PANK4: variants seen among roughly 807,000 people sequenced by gnomAD.
The protein encoded by PANK4 is 4'-phosphopantetheine phosphatase.
PANK4 carries 40 observed loss-of-function variants against 87.9 expected under a neutral mutation model. The observed-to-expected ratio is 0.46, with a 90% CI of 0.35 to 0.59. The LOEUF (loss-of-function observed/expected upper bound fraction) is 0.59, where lower values mean the gene tolerates loss of function less well. PANK4 is among the 20% of genes least tolerant of loss of function. The probability of loss-of-function intolerance (pLI) is 0.00; values close to 1 mark genes in which losing one functional copy is unlikely to be tolerated. For synonymous variants in PANK4, 524 were observed against 467.4 expected (o/e 1.12, Z -1.56); for missense variants, 926 against 1,072.3 (o/e 0.86, Z 1.90).
chr1:2,513,876 C>G, intron 12 of PANK4, 126 bp downstream of exon 12: 1 of 761,598 alleles, frequency 1.3e-6, no homozygotes. Context: ...GAGTTGGGGC[C>G]GCTACCAAAC....
Position 2,509,530 on chromosome 1 carries a change from T to C in PANK4, c.2108+332A>G, listed in dbSNP as rs1643623369. Among the ~76,000 whole-genome samples the C allele has an allele frequency of 2.0e-5, 3 of 152,318 alleles. No individual in the cohort carries two copies. The South Asian group carries it at 6.2e-4, about 32-fold the overall frequency. ...AACCACAGAAGCAGAGCCTGGCATC[T>C]ATGTGGGACACGGAGGTGACAGACA... On this transcript the variant is annotated intron_variant, in intron 18 of 18. Transcript: ENST00000378466. The surrounding 1 kb of genome is among the most constrained non-coding windows in gnomAD (Gnocchi z 4.9).
Position 2,509,962 on chromosome 1 carries a change from G to A in PANK4, c.2040-32C>T, listed in dbSNP as rs578139474. The A allele has an allele frequency of 2.5e-6, 4 of 1,601,206 alleles. No homozygotes were observed. Among genetic ancestry groups the A allele is most frequent in the Admixed American group, 3.4e-5 (2 of 58,246 alleles). ...GATACAAGGTGGTCAGTGCCCCCAG[G>A]AGCTCCCAGTTCAGTGACAATCCCC... On this transcript the variant is annotated intron_variant, in intron 17 of 18. Transcript: ENST00000378466. This position sits in a 1 kb window ranked among gnomAD's most constrained non-coding sequence, Gnocchi z 4.9.
At chr1:2,514,731 C>T in intron 10 of PANK4, among the ~76,000 whole-genome samples, 1 of 151,838 alleles carries the variant, frequency 6.6e-6, no homozygotes, top group East Asian at 1.9e-4. Flanking sequence ...TGGGGGCTGC[C>T]TGGGCTGTGG....
intron 11 of PANK4, 95 bp from the exon 12 acceptor site, chr1:2,514,184 C>T (rs998758079): frequency 2.4e-6 from 3 of 1,228,290 alleles, no homozygotes; most frequent in East Asian, 2.3e-5. Context: ...CTCAGGAGCC[C>T]GGCAGTGCAA....
At chr1:2,518,711 G>C (rs1643831186) in intron 7 of PANK4, 114 bp from the exon 8 acceptor site, 1 of 850,550 alleles carries the variant, frequency 1.2e-6, no homozygotes, top group Non-Finnish European at 1.9e-6. Context: ...CCTCGAAGAG[G>C]CGCCATGGCA....
rs1643820761 is a variant in PANK4 at position 2,518,276 on chromosome 1, G to A, written c.1118-12C>T. On this transcript the variant is annotated splice_polypyrimidine_tract_variant and intron_variant, in intron 8 of 18. Coordinates refer to ENST00000378466, the MANE Select transcript of PANK4 (RefSeq NM_018216.4). ...GTACTGGTTAGGATCTGGAAAGCAA[G>A]AAGCCAGGTCACTTGTGTTAACCTT... The A allele has an allele frequency of 3.1e-6, 5 of 1,590,098 alleles. No individual in the cohort carries two copies. In the South Asian group the frequency reaches 4.4e-5, roughly 14 times the overall value.
Position 2,514,352 on chromosome 1 carries a change from A to G in PANK4, c.1487+2T>C, listed in dbSNP as rs1643719489. 6.2e-7 allele frequency: 1 copy of G among 1,607,720 alleles called. No individual in the cohort carries two copies. ...CCACACACCGGGGTGCTGGGCACTT[A>G]CAAGGGCTGCTGCCTCAGGGTCTGA... On this transcript the variant is annotated splice_donor_variant, in intron 11 of 18. Coordinates refer to ENST00000378466, the MANE Select transcript of PANK4 (RefSeq NM_018216.4). LOFTEE classifies it high-confidence loss of function.
At position 2,514,382 on chromosome 1, in the gene PANK4, T is replaced by A; in HGVS notation, c.1459A>T (p.Lys487Ter). The A allele has an allele frequency of 6.2e-7, 1 of 1,612,492 alleles. No homozygotes were observed. Among genetic ancestry groups the A allele is most frequent in the Non-Finnish European group, 8.5e-7 (1 of 1,179,804 alleles). Residue 487 changes from lysine to a stop codon, truncating the protein, a stop_gained, in exon 11 of 19, where the codon AAG becomes TAG. Coordinates refer to ENST00000378466, the MANE Select transcript of PANK4 (RefSeq NM_018216.4). LOFTEE classifies it high-confidence loss of function. ...GGCTGCTGCCTCAGGGTCTGAAGCT[T>A]GTTCCAGTACTTCTGCCGGAACTTC... ...AEKFRQKYWN[K>*]LQTLRQQPFA...
chr1:2,512,428 G>C (rs1643676984), intron 13 of PANK4: 1 of 158,778 alleles, frequency 6.3e-6, no homozygotes, highest in Non-Finnish European at 1.4e-5. Flanking sequence ...AATGATGGTG[G>C]GGGGGTTCAT....
chr1:2,521,656 G>T, intron 2 of PANK4, 62 bp downstream of exon 2: 1 of 1,279,810 alleles, frequency 7.8e-7, no homozygotes, highest in Non-Finnish European at 1.1e-6. Flanking sequence ...CGAGACAAGT[G>T]CCAGGTCCAA....
At chr1:2,518,130 C>G in intron 9 of PANK4, 34 bp downstream of exon 9, 2 of 1,424,650 alleles carry the variant, frequency 1.4e-6, no homozygotes, top group Non-Finnish European at 1.9e-6. Context: ...GGCTGCTCCC[C>G]TGGGGCCCGG....
At position 2,509,138 on chromosome 1, in the gene PANK4, T is replaced by A; in HGVS notation, c.2109-78A>T. 9 of 1,115,994 alleles carry A rather than the reference T, an allele frequency of 8.1e-6. No homozygotes were observed. The highest frequency in any genetic ancestry group is 2.2e-5 in the Admixed American group (1 of 44,592). 69.1% of individuals were successfully genotyped at this position (1,115,994 alleles called of 1,614,324 possible). ...TTCCCATACAGTGCGGCGACCAACG[T>A]GAAGGCTGAAACCCCTACCGCTCAA... On this transcript the variant is annotated intron_variant, in intron 18 of 18. Coordinates refer to ENST00000378466, the MANE Select transcript of PANK4 (RefSeq NM_018216.4). The surrounding 1 kb of genome is among the most constrained non-coding windows in gnomAD (Gnocchi z 4.9).
At chr1:2,514,554 T>TG in intron 10 of PANK4, 88 bp from the exon 11 acceptor site, 1 of 97,944 alleles carries the variant, frequency 1.0e-5, no homozygotes, top group Admixed American at 1.2e-4. Flanking sequence ...CGGGGAAGGG[T>TG]GGGGGTCGGC....
Position 2,511,623 on chromosome 1 carries a change from C to T in PANK4, c.1783+5G>A, listed in dbSNP as rs774248155. On this transcript the variant is annotated splice_donor_5th_base_variant and intron_variant, in intron 14 of 18. Transcript: ENST00000378466. ...CAAGGCCCCAAGTTACTTGGCCATC[C>T]GTACCTTGTAACTTCCTCTTTGCTT... 6.9e-6 allele frequency: 11 copies of T among 1,599,516 alleles called. No homozygotes were observed. The highest frequency in any genetic ancestry group is 3.3e-5 in the Admixed American group (2 of 59,986).
chr1:2,520,407 G>C lies in PANK4; in HGVS notation c.614C>G (p.Thr205Arg). Residue 205 changes from threonine to arginine, a missense_variant, in exon 5 of 19, where the codon ACG becomes AGG. Coordinates refer to ENST00000378466, the MANE Select transcript of PANK4 (RefSeq NM_018216.4). This position sits in a 1 kb window ranked among gnomAD's most constrained non-coding sequence, Gnocchi z 6.2. ...GSGVSIVKVE[T>R]EDRFEWVGGS... ...GCCGACCCACTCGAACCTGTCCTCC[G>C]TCTCCACCTGCAACAGAGCCAGGGC... is the stretch of plus-strand genomic sequence containing the variant. 6.2e-7 allele frequency: 1 copy of C among 1,612,612 alleles called. No individual in the cohort carries two copies. The highest frequency in any genetic ancestry group is 8.5e-7 in the Non-Finnish European group (1 of 1,179,782).
At chr1:2,523,810 G>A (rs531117464) in intron 1 of PANK4, among the ~76,000 whole-genome samples, 6 of 152,340 alleles carry the variant, frequency 3.9e-5, no homozygotes, top group East Asian at 3.9e-4. Context: ...GGGACCCCTC[G>A]GAATCACAGC....
At position 2,519,126 on chromosome 1, in the gene PANK4, G is replaced by A. The variant is rs1570544477; in HGVS notation, c.1035+17C>T. The A allele has an allele frequency of 6.2e-7, 1 of 1,605,780 alleles. No individual in the cohort carries two copies. Among genetic ancestry groups the A allele is most frequent in the African/African-American group, 1.3e-5 (1 of 74,832 alleles). On this transcript the variant is annotated intron_variant, in intron 7 of 18. Transcript: ENST00000378466. The surrounding 1 kb of genome is among the most constrained non-coding windows in gnomAD (Gnocchi z 8.3). ...GGGGTCTGCGTTAGAGGCTGGGGAG[G>A]GCGGCGCATCCGTTACCTTGGAGAA... is the stretch of plus-strand genomic sequence containing the variant.
At chr1:2,513,375 C>T (rs898095165) in intron 12 of PANK4, among the ~76,000 whole-genome samples, 12 of 152,236 alleles carry the variant, frequency 7.9e-5, no homozygotes, top group African/African-American at 2.9e-4. Flanking sequence ...CAAGGCTCGG[C>T]GTGTGAGGGG....
intron 9 of PANK4, among the ~76,000 whole-genome samples, chr1:2,516,883 T>C (rs1255141581): frequency 6.6e-6 from 1 of 152,232 alleles, no homozygotes; most frequent in Non-Finnish European, 1.5e-5. Flanking sequence ...TTGGACAATA[T>C]AAACTGAAAT....
Sources: allele counts gnomAD v4.1 joint callset (sites outside exome capture counted in the v4.1 genomes callset), GRCh38; gene constraint gnomAD v4.1.1; non-coding constraint Gnocchi (gnomAD v3.1); transcripts MANE v1.5; gene names NCBI Gene and HGNC (gene_info 2026-07-23, HGNC 2026-07-21).